Variants in LRP1B observed in about 807,000 individuals in gnomAD.
The protein encoded by LRP1B is LDL receptor related protein 1B, also known as low-density lipoprotein receptor-related protein 1B.
LRP1B carries 217 observed loss-of-function variants against 556.6 expected under a neutral mutation model. The ratio of observed to expected loss-of-function variants is 0.39; its 90% CI spans 0.35 to 0.44. LRP1B has a LOEUF of 0.44. Among genes scored for constraint, LRP1B ranks in the 20% least tolerant of loss-of-function variants. LRP1B has a pLI of 1.00. For missense variants in LRP1B, 5,053 were observed against 5,620.8 expected (o/e 0.90, Z 3.23); for synonymous variants, 2,047 against 1,865.8 (o/e 1.10, Z -2.50).
At chr2:140,755,477 G>A (rs1471807470) in intron 35 of LRP1B, among the ~76,000 whole-genome samples, 2 of 151,786 alleles carry the variant, frequency 1.3e-5, no homozygotes, top group East Asian at 3.9e-4. Context: ...TGACCAGATG[G>A]CATTTATTCC....
chr2:142,046,533 T>C (rs1277873323), intron 1 of LRP1B, among the ~76,000 whole-genome samples: 3 of 151,868 alleles, frequency 2.0e-5, no homozygotes, highest in African/African-American at 4.8e-5. Context: ...AAGTTTGGGG[T>C]AAGAGAGGAA....
chr2:141,757,107 C>A (rs537821429), intron 2 of LRP1B, among the ~76,000 whole-genome samples: 3 of 152,002 alleles, frequency 2.0e-5, no homozygotes, highest in Non-Finnish European at 2.9e-5. Flanking sequence ...AAATACAAAC[C>A]TGTAAGTTAT....
chr2:140,530,139 C>T (rs1468795056), intron 47 of LRP1B, among the ~76,000 whole-genome samples: 1 of 152,104 alleles, frequency 6.6e-6, no homozygotes, highest in Admixed American at 6.6e-5. Context: ...TTACAGATGG[C>T]TCCACCATAG....
At chr2:141,990,596 T>A (rs939479389) in intron 1 of LRP1B, among the ~76,000 whole-genome samples, 1 of 152,090 alleles carries the variant, frequency 6.6e-6, no homozygotes, top group Non-Finnish European at 1.5e-5. Flanking sequence ...CATTCTTGTC[T>A]ATGCACAGGT....
At chr2:141,920,369 G>A (rs1332097621) in intron 1 of LRP1B, among the ~76,000 whole-genome samples, 1 of 151,146 alleles carries the variant, frequency 6.6e-6, no homozygotes, top group Non-Finnish European at 1.5e-5. Context: ...CATATAACAC[G>A]ATGGAAAGGA....
At chr2:140,610,220 A>G (rs1402831123) in intron 41 of LRP1B, among the ~76,000 whole-genome samples, 1 of 151,966 alleles carries the variant, frequency 6.6e-6, no homozygotes, top group Non-Finnish European at 1.5e-5. Flanking sequence ...GTCTCACCCT[A>G]CTGGAATGAG....
At chr2:140,807,246 A>G (rs1271353185) in intron 32 of LRP1B, among the ~76,000 whole-genome samples, 1 of 152,236 alleles carries the variant, frequency 6.6e-6, no homozygotes, top group Non-Finnish European at 1.5e-5. Flanking sequence ...CTGACTGTAT[A>G]CTATTTTATA....
intron 32 of LRP1B, among the ~76,000 whole-genome samples, chr2:140,794,478 A>AACACACACACACACAC (rs6146938): frequency 6.7e-5 from 10 of 150,034 alleles, no homozygotes; most frequent in South Asian, 4.2e-4. Context: ...AGCTATTTAA[A>AACACACACACACACAC]ACACACACAC....
chr2:141,095,696 A>C (rs1399670280), intron 7 of LRP1B, among the ~76,000 whole-genome samples: 2 of 152,092 alleles, frequency 1.3e-5, no homozygotes, highest in Non-Finnish European at 2.9e-5. Flanking sequence ...ACTCTCTTTG[A>C]CAGGTTTTCA....
chr2:140,848,438 G>A (rs1190655491), intron 29 of LRP1B, among the ~76,000 whole-genome samples: 1 of 152,122 alleles, frequency 6.6e-6, no homozygotes, highest in African/African-American at 2.4e-5. Flanking sequence ...TCAGAAAAGA[G>A]CTAGCTTAAA....
At chr2:141,235,696 T>C (rs928561530) in intron 5 of LRP1B, among the ~76,000 whole-genome samples, 1 of 152,146 alleles carries the variant, frequency 6.6e-6, no homozygotes, top group African/African-American at 2.4e-5. Context: ...TAATAATAGT[T>C]AATGTTTTCC....
At chr2:141,312,760 C>A (rs986392429) in intron 3 of LRP1B, among the ~76,000 whole-genome samples, 3 of 151,998 alleles carry the variant, frequency 2.0e-5, no homozygotes, top group Non-Finnish European at 2.9e-5. Flanking sequence ...ACAATCTCCA[C>A]TCACTGCAGC....
At chr2:141,150,869 T>TTGTGTATGTG (rs1553467368) in intron 7 of LRP1B, among the ~76,000 whole-genome samples, 1 of 138,626 alleles carries the variant, frequency 7.2e-6, no homozygotes, top group Non-Finnish European at 1.5e-5. Flanking sequence ...TCATGCTGGT[T>TTGTGTATGTG]TGTGTGTGTG....
At chr2:141,271,704 A>G (rs1044643574) in intron 3 of LRP1B, among the ~76,000 whole-genome samples, 2 of 151,836 alleles carry the variant, frequency 1.3e-5, no homozygotes, top group Non-Finnish European at 1.5e-5. Context: ...CCTAGCTTAT[A>G]AGAAATACTA....
chr2:140,289,617 T>G (rs914172809), intron 84 of LRP1B, among the ~76,000 whole-genome samples: 29 of 151,816 alleles, frequency 1.9e-4, no homozygotes, highest in African/African-American at 6.5e-4. Context: ...TTTTTTTTAA[T>G]GAAGGCATAA....
intron 3 of LRP1B, among the ~76,000 whole-genome samples, chr2:141,426,077 C>A (rs1328410344): frequency 6.6e-6 from 1 of 151,938 alleles, no homozygotes; most frequent in East Asian, 1.9e-4. Flanking sequence ...GGCTTTAATC[C>A]ATCTTGAATT....
intron 3 of LRP1B, among the ~76,000 whole-genome samples, chr2:141,464,517 A>G (rs921776940): frequency 6.8e-6 from 1 of 147,978 alleles, no homozygotes; most frequent in African/African-American, 2.5e-5. Flanking sequence ...GGTTCACGCC[A>G]TTCTCCTGCC....
At chr2:141,078,781 CAA>C (rs1255231587) in intron 7 of LRP1B, among the ~76,000 whole-genome samples, 4 of 152,170 alleles carry the variant, frequency 2.6e-5, no homozygotes, top group Middle Eastern at 3.4e-3. Flanking sequence ...AAATGGTAAA[CAA>C]AGACTGCAAA....
chr2:140,771,258 A>T (rs1689301384), intron 33 of LRP1B, among the ~76,000 whole-genome samples: 1 of 152,132 alleles, frequency 6.6e-6, no homozygotes, highest in Admixed American at 6.6e-5. Flanking sequence ...AAGGAAATTG[A>T]TTTGTCATAA....
Sources: allele counts gnomAD v4.1 joint callset (sites outside exome capture counted in the v4.1 genomes callset), GRCh38; gene constraint gnomAD v4.1.1; transcripts MANE v1.5; gene names NCBI Gene and HGNC (gene_info 2026-07-23, HGNC 2026-07-21).